The following EPHA7 variants were observed in gnomAD, a reference collection of about 807,000 sequenced individuals.
EPHA7 encodes EPH receptor A7.
In EPHA7, 25 loss-of-function variants were observed where a neutral mutation model predicts 112.6. The observed-to-expected ratio is 0.22, with a 90% CI of 0.16 to 0.31. The LOEUF (loss-of-function observed/expected upper bound fraction) is 0.31, where lower values mean the gene tolerates loss of function less well. Ranked by LOEUF, EPHA7 falls within the 10% of genes least tolerant of loss-of-function variation. The pLI is 1.00. For synonymous variants in EPHA7, 437 were observed against 406.5 expected, an observed-to-expected ratio of 1.07 and a Z score of -0.90; for missense variants, 962 against 1,212.6, an observed-to-expected ratio of 0.79 and a Z score of 3.07.
At chr6:93,244,971 G>C (rs925986005) in intron 16 of EPHA7, among the ~76,000 whole-genome samples, 32 of 152,162 alleles carry the variant, frequency 2.1e-4, no homozygotes, top group Admixed American at 1.8e-3. Flanking sequence ...TAGAACACCA[G>C]CTATGGAGCC....
intron 5 of EPHA7, among the ~76,000 whole-genome samples, chr6:93,322,650 G>C (rs942558184): frequency 2.4e-4 from 37 of 151,630 alleles, no homozygotes; most frequent in African/African-American, 8.7e-4. Context: ...GACTGAATTA[G>C]AGAGGCATAC....
chr6:93,315,113 C>A (rs28472530), intron 5 of EPHA7, among the ~76,000 whole-genome samples: 1 of 150,178 alleles, frequency 6.7e-6, no homozygotes, highest in Non-Finnish European at 1.5e-5. Flanking sequence ...CCGCCCGCCT[C>A]GGCCTCCCAA....
intron 5 of EPHA7, among the ~76,000 whole-genome samples, chr6:93,286,367 C>T (rs1772064175): frequency 6.6e-6 from 1 of 152,116 alleles, no homozygotes; most frequent in Non-Finnish European, 1.5e-5. Flanking sequence ...GCCAAAGTTT[C>T]CAGTAAGCTA....
chr6:93,401,461 G>T (rs1318794898), intron 3 of EPHA7, among the ~76,000 whole-genome samples: 1 of 152,066 alleles, frequency 6.6e-6, no homozygotes, highest in African/African-American at 2.4e-5. Context: ...TATCATTCGA[G>T]ATTAATATTG....
intron 5 of EPHA7, among the ~76,000 whole-genome samples, chr6:93,305,521 A>T (rs1264697878): frequency 6.6e-6 from 1 of 151,958 alleles, no homozygotes; most frequent in Non-Finnish European, 1.5e-5. Context: ...AGAAAGAAAT[A>T]TTTCCTGGTA....
intron 5 of EPHA7, among the ~76,000 whole-genome samples, chr6:93,336,920 C>G (rs1010492040): frequency 6.7e-6 from 1 of 150,318 alleles, no homozygotes; most frequent in Non-Finnish European, 1.5e-5. Flanking sequence ...AACAAAGAAG[C>G]TTTTATCAGC....
Position 93,263,747 on chromosome 6 carries a change from C to T in EPHA7, c.1798+113G>A, listed in dbSNP as rs548268359. On this transcript the variant is annotated intron_variant, in intron 9 of 16. Coordinates refer to ENST00000369303, the MANE Select transcript of EPHA7 (RefSeq NM_004440.4). The stretch of plus-strand genomic sequence containing the variant: ...AAATGCTTTAAAGCAACATTTTGAG[C>T]TCATGGTATAATTTCAAGCATGATG... 7.6e-6 allele frequency: 5 copies of T among 660,356 alleles called. No individual in the cohort carries two copies. The South Asian group carries it at 1.0e-4, about 13-fold the overall frequency. The allele number at this position is 660,356 out of a possible 1,614,324, so 40.9% of individuals were successfully genotyped here.
intron 3 of EPHA7, among the ~76,000 whole-genome samples, chr6:93,404,304 TATG>T (rs1778582413): frequency 6.6e-6 from 1 of 151,920 alleles, no homozygotes; most frequent in Non-Finnish European, 1.5e-5. Flanking sequence ...ATTTCGAAAT[TATG>T]ATAAATGAAA....
chr6:93,410,787 G>T lies in EPHA7; in HGVS notation c.546C>A (p.Phe182Leu). ...CCCCTACATCCTGAAAGGCAAGATA[G>T]AATCCCTTTTTGGACAAAGGTCCAA... is the stretch of plus-strand genomic sequence containing the variant. Reference protein sequence around the residue: ...REIGPLSKKGFYLAFQDVGAC... With the variant: ...REIGPLSKKGLYLAFQDVGAC... Residue 182 changes from phenylalanine to leucine, a missense_variant, in exon 3 of 17, where the codon TTC becomes TTA. Phe to Leu is a conservative substitution (Grantham distance 22). Transcript: ENST00000369303. This position sits in a 1 kb window ranked among gnomAD's most constrained non-coding sequence, Gnocchi z 4.0. 1 of 1,614,058 alleles carries T rather than the reference G, an allele frequency of 6.2e-7. No homozygotes were observed. The highest frequency in any genetic ancestry group is 1.7e-5 in the Admixed American group (1 of 60,002).
intron 14 of EPHA7, among the ~76,000 whole-genome samples, chr6:93,251,438 T>C (rs947839115): frequency 2.0e-5 from 3 of 151,840 alleles, no homozygotes; most frequent in Non-Finnish European, 2.9e-5. Context: ...AACAATTTAC[T>C]GGCCTAGTTT....
chr6:93,405,827 A>G (rs995999934), intron 3 of EPHA7, among the ~76,000 whole-genome samples: 34,012 of 120,320 alleles, frequency 0.28, 5,148 homozygotes, highest in Non-Finnish European at 0.34. Flanking sequence ...ATATATATAT[A>G]TATATATATA....
At chr6:93,349,080 T>C (rs763764839) in intron 5 of EPHA7, among the ~76,000 whole-genome samples, 2 of 151,786 alleles carry the variant, frequency 1.3e-5, no homozygotes, top group Non-Finnish European at 2.9e-5. Flanking sequence ...GGAATCAACA[T>C]GTTTTATACT....
intron 3 of EPHA7, among the ~76,000 whole-genome samples, chr6:93,371,762 C>T (rs1039314143): frequency 6.6e-6 from 1 of 152,096 alleles, no homozygotes; most frequent in Admixed American, 6.6e-5. Context: ...GTATAGAGAG[C>T]TGATGGTACA....
At chr6:93,273,501 T>C (rs1056783688) in intron 5 of EPHA7, among the ~76,000 whole-genome samples, 19 of 151,972 alleles carry the variant, frequency 1.3e-4, no homozygotes, top group African/African-American at 4.6e-4. Flanking sequence ...TTCTACTTAA[T>C]ATTTTCTTGT....
rs899769145 is a variant in EPHA7 at position 93,242,476 on chromosome 6, G to T, written c.*950C>A. ...AATGTCACGAGAATGAAAAAATCTT[G>T]ATGTGCTCAGATTAATTTTTAGATA... On this transcript the variant is annotated 3_prime_UTR_variant, in exon 17 of 17. Coordinates refer to ENST00000369303, the MANE Select transcript of EPHA7 (RefSeq NM_004440.4). 3.0e-5 allele frequency: 6 copies of T among 196,916 alleles called. No homozygotes were observed. Among genetic ancestry groups the T allele is most frequent in the Admixed American group, 2.4e-4 (4 of 16,472 alleles). 12.2% of individuals were successfully genotyped at this position (196,916 alleles called of 1,614,324 possible). A position where few individuals can be genotyped will look rare whatever the true frequency, so the allele number is the denominator to read the frequency against.
intron 3 of EPHA7, among the ~76,000 whole-genome samples, chr6:93,383,931 T>C (rs1777475325): frequency 1.3e-5 from 2 of 152,076 alleles, no homozygotes; most frequent in African/African-American, 4.8e-5. Context: ...CAAGGGATCC[T>C]CCTGCCTCAG....
rs565243065 is a variant in EPHA7, at chr6:93,370,267, T to G, written c.833-11856A>C. 2.0e-5 allele frequency among the ~76,000 whole-genome samples: 3 copies of G among 152,248 alleles called. No individual in the cohort carries two copies. The South Asian group carries it at 6.2e-4, about 32-fold the overall frequency. ...CAGGGTTGTTTCCAAGGCAAAAATTTAAAGAATAATAGTTTTTTCCTGCTC... is the reference window on the plus strand; with the variant it reads ...CAGGGTTGTTTCCAAGGCAAAAATTGAAAGAATAATAGTTTTTTCCTGCTC... On this transcript the variant is annotated intron_variant, in intron 3 of 16. Coordinates refer to ENST00000369303, the MANE Select transcript of EPHA7 (RefSeq NM_004440.4).
chr6:93,258,003 G>T, intron 11 of EPHA7, 96 bp downstream of exon 11: 2 of 1,185,638 alleles, frequency 1.7e-6, no homozygotes, highest in Non-Finnish European at 2.4e-6. Context: ...TTTAGACTGT[G>T]CAACATATTT....
chr6:93,334,747 A>C (rs1774775096), intron 5 of EPHA7, among the ~76,000 whole-genome samples: 1 of 152,084 alleles, frequency 6.6e-6, no homozygotes, highest in South Asian at 2.1e-4. Flanking sequence ...ATTCTGACTC[A>C]AATCCACAAA....
Sources: gnomAD v4.1 joint callset for allele counts (sites outside exome capture counted in the v4.1 genomes callset) on GRCh38, gnomAD v4.1.1 for gene constraint, Gnocchi (gnomAD v3.1) non-coding constraint, MANE v1.5 for transcripts, NCBI Gene and HGNC (gene_info 2026-07-23, HGNC 2026-07-21) for gene names.